The following SOS2 variants were observed in gnomAD, a reference collection of about 807,000 sequenced individuals.
SOS2 encodes SOS Ras/Rho guanine nucleotide exchange factor 2, also known as son of sevenless homolog 2.
A neutral mutation model predicts 148.2 loss-of-function variants in SOS2; 65 were observed. The ratio of observed to expected loss-of-function variants is 0.44; its 90% CI spans 0.36 to 0.54. The LOEUF (loss-of-function observed/expected upper bound fraction) is 0.54, where lower values mean the gene tolerates loss of function less well. Among genes scored for constraint, SOS2 ranks in the 20% least tolerant of loss-of-function variants. The pLI is 0.00. For synonymous variants in SOS2, 539 were observed against 537.1 expected (o/e 1.00, Z -0.05); for missense variants, 1,341 against 1,590.2 (o/e 0.84, Z 2.67).
intron 1 of SOS2, among the ~76,000 whole-genome samples, chr14:50,212,251 G>A (rs763009044): frequency 1.3e-5 from 2 of 152,198 alleles, no homozygotes; most frequent in Non-Finnish European, 2.9e-5. Context: ...CAAGGCAGGC[G>A]GATCACAAGG....
intron 1 of SOS2, among the ~76,000 whole-genome samples, chr14:50,207,373 T>G (rs992552299): frequency 1.9e-4 from 29 of 151,962 alleles, no homozygotes; most frequent in Admixed American, 1.9e-3. Context: ...TAGCTGGGCA[T>G]GGTGGCATAT....
chr14:50,210,034 A>T (rs1390459383), intron 1 of SOS2, among the ~76,000 whole-genome samples: 1 of 152,242 alleles, frequency 6.6e-6, no homozygotes, highest in African/African-American at 2.4e-5. Flanking sequence ...CATGTAAATA[A>T]AAGTGCAAAA....
At chr14:50,208,222 G>A (rs772325048) in intron 1 of SOS2, among the ~76,000 whole-genome samples, 1 of 151,980 alleles carries the variant, frequency 6.6e-6, no homozygotes, top group East Asian at 1.9e-4. Context: ...GCTTGAACCC[G>A]GGAGGCGGAG....
intron 22 of SOS2, 141 bp downstream of exon 22, chr14:50,120,134 G>A (rs754577727): frequency 6.9e-6 from 4 of 577,686 alleles, no homozygotes; most frequent in African/African-American, 3.9e-5. Flanking sequence ...ACAACTAAAA[G>A]TATTTTTCAA....
At chr14:50,200,269 C>T (rs1016227399) in intron 3 of SOS2, among the ~76,000 whole-genome samples, 7 of 151,820 alleles carry the variant, frequency 4.6e-5, no homozygotes, top group Non-Finnish European at 7.4e-5. Flanking sequence ...GTGTGTGAGG[C>T]AGGCGGGGCG....
At chr14:50,181,323 C>T (rs1885728246) in intron 6 of SOS2, among the ~76,000 whole-genome samples, 1 of 151,994 alleles carries the variant, frequency 6.6e-6, no homozygotes, top group Non-Finnish European at 1.5e-5. Context: ...TGGCAGGCGC[C>T]TGTAATCCCA....
chr14:50,130,878 G>T (rs1363738918), intron 19 of SOS2, 116 bp from the exon 20 acceptor site: 4 of 811,710 alleles, frequency 4.9e-6, no homozygotes, highest in Non-Finnish European at 7.6e-6. Flanking sequence ...TCTTAAGCGT[G>T]CAGTCCTTCA....
At chr14:50,139,221 C>G (rs1884182960) in intron 17 of SOS2, among the ~76,000 whole-genome samples, 1 of 152,126 alleles carries the variant, frequency 6.6e-6, no homozygotes, top group South Asian at 2.1e-4. Flanking sequence ...TAAACTAATT[C>G]TGTTTTTTCA....
intron 7 of SOS2, among the ~76,000 whole-genome samples, chr14:50,176,621 C>T (rs1322295117): frequency 2.0e-5 from 3 of 152,184 alleles, no homozygotes; most frequent in African/African-American, 7.2e-5. Context: ...ATTTAATTTC[C>T]TAATAACTAT....
At position 50,118,666 on chromosome 14, in the gene SOS2, T is replaced by A. The variant is rs1018592964; in HGVS notation, c.3677A>T (p.His1226Leu). ...AAGATTAAATGGACAGTTTATAAAGTGTTCTGGAGGCCGAAGGGGAACTGG... is the reference window on the plus strand; with the variant it reads ...AAGATTAAATGGACAGTTTATAAAGAGTTCTGGAGGCCGAAGGGGAACTGG... ...PPPVPLRPPEHFINCPFNLQP... is the reference protein window; with the variant it reads ...PPPVPLRPPELFINCPFNLQP... The change falls in exon 23 of 23, where the codon CAC becomes CTC. Residue 1226 changes from histidine (H) to leucine (L), a missense_variant. By Grantham distance (99) the His-to-Leu change is moderately conservative. Around this residue, in one of 4 missense-constraint regions of SOS2, gnomAD observed 354 missense variants for 347.7 expected, o/e 1.02. Coordinates refer to ENST00000216373, the MANE Select transcript of SOS2 (RefSeq NM_006939.4). The A allele has an allele frequency of 6.2e-7, 1 of 1,613,518 alleles. No homozygotes were observed. The highest frequency in any genetic ancestry group is 8.5e-7 in the Non-Finnish European group (1 of 1,179,948).
intron 5 of SOS2, among the ~76,000 whole-genome samples, chr14:50,185,922 A>G (rs1477049259): frequency 6.6e-6 from 1 of 152,130 alleles, no homozygotes; most frequent in African/African-American, 2.4e-5. Context: ...AGAGGCATAG[A>G]GCAGTTAAGT....
chr14:50,192,470 C>T (rs766562341), intron 4 of SOS2, among the ~76,000 whole-genome samples: 10 of 151,336 alleles, frequency 6.6e-5, no homozygotes, highest in East Asian at 1.9e-4. Flanking sequence ...GTGGGAGAAT[C>T]GCTTGAACAC....
intron 12 of SOS2, chr14:50,156,255 C>G (rs775407137): frequency 1.5e-5 from 2 of 136,546 alleles, no homozygotes; most frequent in African/African-American, 2.5e-5. Flanking sequence ...CTTAGTGGTA[C>G]GTACACACAC....
At chr14:50,179,576 G>C (rs1403708772) in intron 7 of SOS2, among the ~76,000 whole-genome samples, 1 of 151,780 alleles carries the variant, frequency 6.6e-6, no homozygotes, top group African/African-American at 2.4e-5. Flanking sequence ...TTTTGCCCAG[G>C]CTGGTCTCAA....
At chr14:50,160,260 T>A (rs1045553139) in intron 9 of SOS2, among the ~76,000 whole-genome samples, 174 bp from the exon 10 acceptor site, 8 of 151,934 alleles carry the variant, frequency 5.3e-5, no homozygotes, top group African/African-American at 9.7e-5. Flanking sequence ...TTCATTATTA[T>A]GAAAGAGAAG....
At chr14:50,139,796 TAGAG>T (rs559559058) in intron 17 of SOS2, 142 bp downstream of exon 17, 1 of 485,148 alleles carries the variant, frequency 2.1e-6, no homozygotes. Flanking sequence ...TTATAGAAAA[TAGAG>T]AGTTTTATTA....
intron 1 of SOS2, among the ~76,000 whole-genome samples, chr14:50,215,941 A>G (rs769968743): frequency 6.6e-6 from 1 of 152,214 alleles, no homozygotes; most frequent in Non-Finnish European, 1.5e-5. Context: ...TTTCAGGTAC[A>G]ATGTGGAAAT....
At chr14:50,227,756 T>C (rs981643548) in intron 1 of SOS2, among the ~76,000 whole-genome samples, 2 of 152,192 alleles carry the variant, frequency 1.3e-5, no homozygotes, top group African/African-American at 4.8e-5. Context: ...CAATGAATAC[T>C]TGAGATTGGT....
intron 7 of SOS2, among the ~76,000 whole-genome samples, chr14:50,177,434 A>G: frequency 6.6e-6 from 1 of 152,154 alleles, no homozygotes; most frequent in South Asian, 2.1e-4. Flanking sequence ...TTTTAAGTTA[A>G]AACAATTGAG....
Sources: allele counts gnomAD v4.1 joint callset (sites outside exome capture counted in the v4.1 genomes callset), GRCh38; gene constraint gnomAD v4.1.1; regional missense constraint gnomAD v4.1.1; transcripts MANE v1.5; gene names NCBI Gene and HGNC (gene_info 2026-07-23, HGNC 2026-07-21).